Variants in ARHGAP32 observed in about 807,000 individuals in gnomAD.
ARHGAP32 encodes Rho GTPase activating protein 32.
A neutral mutation model predicts 186.5 loss-of-function variants in ARHGAP32; 51 were observed. The ratio of observed to expected loss-of-function variants is 0.27; its 90% CI spans 0.22 to 0.35. The LOEUF (loss-of-function observed/expected upper bound fraction) is 0.35, where lower values mean the gene tolerates loss of function less well. ARHGAP32 is among the 10% of genes least tolerant of loss of function. The probability of loss-of-function intolerance (pLI) is 1.00; values close to 1 mark genes in which losing one functional copy is unlikely to be tolerated. For missense variants in ARHGAP32, 2,186 were observed against 2,623.5 expected (o/e 0.83, Z 3.64); for synonymous variants, 950 against 964.3 (o/e 0.99, Z 0.27).
intron 1 of ARHGAP32, among the ~76,000 whole-genome samples, chr11:129,232,250 G>A (rs1353330614): frequency 6.6e-6 from 1 of 152,084 alleles, no homozygotes; most frequent in Non-Finnish European, 1.5e-5. Flanking sequence ...GATATTCTGG[G>A]TGATGAACTA....
At chr11:129,224,385 T>C (rs1944752155) in intron 1 of ARHGAP32, among the ~76,000 whole-genome samples, 1 of 152,152 alleles carries the variant, frequency 6.6e-6, no homozygotes, top group African/African-American at 2.4e-5. Context: ...CCATAAGAAT[T>C]ACATCAGTGA....
At chr11:129,115,819 T>A (rs1240492937) in intron 5 of ARHGAP32, among the ~76,000 whole-genome samples, 1 of 152,050 alleles carries the variant, frequency 6.6e-6, no homozygotes, top group East Asian at 1.9e-4. Flanking sequence ...GAAATACAGA[T>A]CCTTGCTTCT....
At chr11:129,071,602 A>G (rs983529456) in intron 6 of ARHGAP32, among the ~76,000 whole-genome samples, 1 of 152,128 alleles carries the variant, frequency 6.6e-6, no homozygotes, top group Admixed American at 6.6e-5. Flanking sequence ...GACTCCCCAT[A>G]CACTTTTATT....
chr11:129,194,316 G>A (rs2135564227), upstream of ARHGAP32, among the ~76,000 whole-genome samples: 1 of 152,206 alleles, frequency 6.6e-6, no homozygotes, highest in Middle Eastern at 3.4e-3. Flanking sequence ...CATTATAGTA[G>A]CAAAATAGGA....
At chr11:129,167,238 CGG>C (rs1343803773) in intron 1 of ARHGAP32, among the ~76,000 whole-genome samples, 1 of 152,056 alleles carries the variant, frequency 6.6e-6, no homozygotes, top group African/African-American at 2.4e-5. Flanking sequence ...GGGAAAGATA[CGG>C]AGAAATCACA....
At chr11:129,102,611 A>T (rs1941933656) in intron 5 of ARHGAP32, among the ~76,000 whole-genome samples, 1 of 152,210 alleles carries the variant, frequency 6.6e-6, no homozygotes, top group Admixed American at 6.5e-5. Context: ...ACACAAAAAG[A>T]TGTTCAAAAT....
chr11:129,278,002 G>C (rs1945553815), intron 1 of ARHGAP32, among the ~76,000 whole-genome samples: 1 of 152,194 alleles, frequency 6.6e-6, no homozygotes, highest in Non-Finnish European at 1.5e-5. Context: ...TCCAGTCACT[G>C]ATTCAAACTA....
chr11:129,168,498 G>C (rs1347296259), intron 1 of ARHGAP32, among the ~76,000 whole-genome samples: 1 of 152,138 alleles, frequency 6.6e-6, no homozygotes, highest in Non-Finnish European at 1.5e-5. Context: ...AACAAAATTT[G>C]TATGCAAAAA....
At chr11:129,253,853 T>C (rs566744075) in intron 1 of ARHGAP32, among the ~76,000 whole-genome samples, 52 of 152,198 alleles carry the variant, frequency 3.4e-4, no homozygotes, top group Non-Finnish European at 6.8e-4. Context: ...GATCACTGGG[T>C]CACCATATGT....
chr11:129,276,427 A>C (rs954368929), intron 1 of ARHGAP32, among the ~76,000 whole-genome samples: 7 of 152,102 alleles, frequency 4.6e-5, no homozygotes, highest in African/African-American at 1.7e-4. Flanking sequence ...CAACCTCCCG[A>C]GTAGCCAGGA....
intron 1 of ARHGAP32, among the ~76,000 whole-genome samples, chr11:129,241,400 T>C (rs541747074): frequency 3.9e-5 from 6 of 152,258 alleles, no homozygotes; most frequent in Non-Finnish European, 7.4e-5. Context: ...TCCAGTGCTT[T>C]GGGAGGCCGA....
chr11:129,186,285 T>C (rs559249915), intron 1 of ARHGAP32, among the ~76,000 whole-genome samples: 1 of 152,162 alleles, frequency 6.6e-6, no homozygotes, highest in Non-Finnish European at 1.5e-5. Flanking sequence ...TACAGATAGA[T>C]ACAAGAAAGG....
chr11:129,054,582 T>G (rs1940178062), intron 10 of ARHGAP32, among the ~76,000 whole-genome samples: 1 of 152,226 alleles, frequency 6.6e-6, no homozygotes, highest in Admixed American at 6.5e-5. Context: ...ATTTGTGTAA[T>G]GCCTTTACCT....
intron 2 of ARHGAP32, among the ~76,000 whole-genome samples, chr11:129,149,695 G>C (rs1943246944): frequency 6.6e-6 from 1 of 151,974 alleles, no homozygotes; most frequent in African/African-American, 2.4e-5. Context: ...GAAGGAACCA[G>C]AAAAGTAATT....
At chr11:129,113,910 A>C (rs1200455051) in intron 5 of ARHGAP32, among the ~76,000 whole-genome samples, 1 of 152,002 alleles carries the variant, frequency 6.6e-6, no homozygotes, top group Non-Finnish European at 1.5e-5. Context: ...AGATTCTGCT[A>C]CTTCTCCTCC....
intron 2 of ARHGAP32, among the ~76,000 whole-genome samples, chr11:129,162,906 A>G (rs1280049234): frequency 6.6e-6 from 1 of 152,198 alleles, no homozygotes; most frequent in Non-Finnish European, 1.5e-5. Flanking sequence ...CCATTCCCAT[A>G]CAAATGTGTA....
At chr11:129,053,551 A>G (rs1940138041) in intron 10 of ARHGAP32, among the ~76,000 whole-genome samples, 1 of 152,212 alleles carries the variant, frequency 6.6e-6, no homozygotes, top group Admixed American at 6.5e-5. Flanking sequence ...GCTCTGTTAT[A>G]TGCCTAAAAT....
intron 1 of ARHGAP32, among the ~76,000 whole-genome samples, chr11:129,272,316 C>G (rs903478073): frequency 2.0e-5 from 3 of 152,188 alleles, no homozygotes; most frequent in Non-Finnish European, 4.4e-5. Context: ...ATCTAAAAAT[C>G]CATCTTATTC....
chr11:128,978,055 T>C (rs1012035748), intron 19 of ARHGAP32, among the ~76,000 whole-genome samples: 1 of 151,860 alleles, frequency 6.6e-6, no homozygotes, highest in Non-Finnish European at 1.5e-5. Context: ...TGCACTAAAA[T>C]TTACTTTCTC....
Sources: gnomAD v4.1 joint callset for allele counts (sites outside exome capture counted in the v4.1 genomes callset) on GRCh38, gnomAD v4.1.1 for gene constraint, MANE v1.5 for transcripts, NCBI Gene and HGNC (gene_info 2026-07-23, HGNC 2026-07-21) for gene names.